Variants in EPB41L3 observed in about 807,000 individuals in gnomAD.
EPB41L3 encodes band 4.1-like protein 3.
A neutral mutation model predicts 127.1 loss-of-function variants in EPB41L3; 57 were observed. The observed-to-expected ratio is 0.45, with a 90% CI of 0.36 to 0.56. EPB41L3 has a LOEUF of 0.56. Among genes scored for constraint, EPB41L3 ranks in the 20% least tolerant of loss-of-function variants. EPB41L3 has a pLI of 0.00. For missense variants in EPB41L3, 1,273 were observed against 1,372.2 expected, an observed-to-expected ratio of 0.93 and a Z score of 1.14; for synonymous variants, 572 against 549.5, an observed-to-expected ratio of 1.04 and a Z score of -0.57.
At chr18:5,414,650 T>C (rs2076576336) in intron 13 of EPB41L3, among the ~76,000 whole-genome samples, 1 of 151,984 alleles carries the variant, frequency 6.6e-6, no homozygotes, top group Non-Finnish European at 1.5e-5. Flanking sequence ...TCTTGTTCTG[T>C]GGGAACAGGA....
At chr18:5,568,664 A>C (rs1388821180) in intron 3 of EPB41L3, among the ~76,000 whole-genome samples, 1 of 152,194 alleles carries the variant, frequency 6.6e-6, no homozygotes, top group African/African-American at 2.4e-5. Flanking sequence ...ACTTTCCCCA[A>C]GGCATCCTCC....
chr18:5,583,908 A>T (rs567763013), intron 3 of EPB41L3, among the ~76,000 whole-genome samples: 1 of 152,168 alleles, frequency 6.6e-6, no homozygotes, highest in Non-Finnish European at 1.5e-5. Flanking sequence ...TCCCGGGTTC[A>T]TGCGATTCTC....
intron 3 of EPB41L3, among the ~76,000 whole-genome samples, chr18:5,576,819 A>G (rs374599705): frequency 3.9e-5 from 6 of 152,358 alleles, no homozygotes; most frequent in Admixed American, 1.3e-4. Context: ...TCTTGGCACA[A>G]AGGAAAGTGA....
At chr18:5,530,463 C>T (rs548763689) in intron 1 of EPB41L3, among the ~76,000 whole-genome samples, 3 of 152,252 alleles carry the variant, frequency 2.0e-5, no homozygotes, top group African/African-American at 7.2e-5. Context: ...AACAAGGTAA[C>T]ACCCCTCACT....
chr18:5,450,628 T>C (rs1014296709), intron 3 of EPB41L3, among the ~76,000 whole-genome samples: 1 of 150,992 alleles, frequency 6.6e-6, no homozygotes, highest in African/African-American at 2.4e-5. Flanking sequence ...AAATAATTAA[T>C]TAAAAAGGTT....
chr18:5,406,117 G>A (rs1413861334), intron 16 of EPB41L3, among the ~76,000 whole-genome samples: 1 of 152,064 alleles, frequency 6.6e-6, no homozygotes, highest in Non-Finnish European at 1.5e-5. Context: ...CCGGTGTGGT[G>A]AAGGGCATCT....
chr18:5,470,555 C>A (rs2085929486), intron 3 of EPB41L3, among the ~76,000 whole-genome samples: 1 of 152,140 alleles, frequency 6.6e-6, no homozygotes, highest in East Asian at 1.9e-4. Context: ...TCAATGCATT[C>A]TAGAAAATGC....
At chr18:5,574,431 T>TTTTA (rs947007895) in intron 3 of EPB41L3, among the ~76,000 whole-genome samples, 7 of 151,348 alleles carry the variant, frequency 4.6e-5, no homozygotes, top group African/African-American at 7.3e-5. Flanking sequence ...CTCAACCTGA[T>TTTTA]TTTATTTATT....
intron 1 of EPB41L3, among the ~76,000 whole-genome samples, chr18:5,616,397 G>A (rs143974271): frequency 2.0e-5 from 3 of 151,888 alleles, no homozygotes; most frequent in Non-Finnish European, 2.9e-5. Context: ...GAACTGGAGC[G>A]ATCACTAAAA....
In EPB41L3 at chr18:5,394,739, T is replaced by A. The variant is rs1357829287; in HGVS notation, c.3208A>T (p.Thr1070Ser). Reference sequence around the variant, plus strand: ...GTCTCTTTATGGACCACTACTTTGGTCACTGACATGTCAGGGTGCTGCTCT... The same window carrying A: ...GTCTCTTTATGGACCACTACTTTGGACACTGACATGTCAGGGTGCTGCTCT... The part of the protein sequence containing the change: ...AKEQHPDMSV[T>S]KVVVHKETEI... Residue 1070 changes from threonine to serine, a missense_variant, in exon 22 of 23, where the codon ACC (threonine) becomes TCC (serine). Transcript: ENST00000341928. 1.9e-6 allele frequency: 3 copies of A among 1,614,058 alleles called. No individual in the cohort carries two copies. Among genetic ancestry groups the A allele is most frequent in the Non-Finnish European group, 2.5e-6 (3 of 1,180,036 alleles).
At chr18:5,480,112 G>A (rs762374336) in intron 2 of EPB41L3, 11 of 152,014 alleles carry the variant, frequency 7.2e-5, no homozygotes, top group African/African-American at 1.9e-4. Context: ...ATACAATGTC[G>A]CTTTTCCTTT....
chr18:5,397,051 TAGTTACCTCAAAA>T lies in EPB41L3; in HGVS notation c.2835_2841+6del. On this transcript the variant is annotated splice_donor_variant and splice_donor_5th_base_variant and coding_sequence_variant and intron_variant, in exon 18 of 23. Transcript: ENST00000341928. LOFTEE classifies it high-confidence loss of function. The surrounding 1 kb of genome is among the most constrained non-coding windows in gnomAD (Gnocchi z 4.1). ...TAGTGATAAAAGTAACATTTACTAC[TAGTTACCTCAAAA>T]TGAGGTTTTTGTTCCAAAGTTTCTG... is the stretch of plus-strand genomic sequence containing the variant. 6.3e-7 allele frequency: 1 copy of T among 1,583,492 alleles called. No homozygotes were observed. Among genetic ancestry groups the T allele is most frequent in the Non-Finnish European group, 8.6e-7 (1 of 1,167,260 alleles).
intron 5 of EPB41L3, among the ~76,000 whole-genome samples, chr18:5,443,139 A>G (rs986361382): frequency 6.6e-6 from 1 of 152,200 alleles, no homozygotes; most frequent in African/African-American, 2.4e-5. Flanking sequence ...AAGTGAAATT[A>G]AGGGTCAAAA....
chr18:5,496,483 A>G (rs1173046740), intron 1 of EPB41L3, among the ~76,000 whole-genome samples: 1 of 152,262 alleles, frequency 6.6e-6, no homozygotes, highest in African/African-American at 2.4e-5. Flanking sequence ...TAGGAGAGGC[A>G]GGGTTCCCCT....
chr18:5,458,137 G>A (rs2083403307), intron 3 of EPB41L3, among the ~76,000 whole-genome samples: 1 of 152,116 alleles, frequency 6.6e-6, no homozygotes, highest in African/African-American at 2.4e-5. Context: ...ATTTGTTCAT[G>A]ACCAATTTGT....
chr18:5,430,559 T>A (rs79803669), intron 8 of EPB41L3, among the ~76,000 whole-genome samples: 1 of 99,478 alleles, frequency 1.0e-5, no homozygotes, highest in Admixed American at 1.0e-4. Flanking sequence ...TGAGAAATCT[T>A]TTTTTTTTTC....
chr18:5,574,508 AT>A (rs1339983098), intron 3 of EPB41L3, among the ~76,000 whole-genome samples: 5 of 149,216 alleles, frequency 3.4e-5, no homozygotes, highest in Admixed American at 1.4e-4. Flanking sequence ...TCCTAATTTG[AT>A]TCCCTCTGTC....
At chr18:5,504,877 C>T (rs563049667) in intron 1 of EPB41L3, among the ~76,000 whole-genome samples, 27 of 152,244 alleles carry the variant, frequency 1.8e-4, no homozygotes, top group African/African-American at 6.0e-4. Context: ...TGCAGTGCTC[C>T]AGGTGCTGAG....
At chr18:5,578,140 C>CA (rs1405420711) in intron 3 of EPB41L3, among the ~76,000 whole-genome samples, 2 of 152,118 alleles carry the variant, frequency 1.3e-5, no homozygotes, top group East Asian at 3.9e-4. Flanking sequence ...CCAGAGAGAG[C>CA]AAAAAACAAC....
Sources: allele counts gnomAD v4.1 joint callset (sites outside exome capture counted in the v4.1 genomes callset), GRCh38; gene constraint gnomAD v4.1.1; non-coding constraint Gnocchi (gnomAD v3.1); transcripts MANE v1.5; gene names NCBI Gene and HGNC (gene_info 2026-07-23, HGNC 2026-07-21).